TMTC2: variants seen among roughly 807,000 people sequenced by gnomAD.
TMTC2 encodes transmembrane O-mannosyltransferase targeting cadherins 2, also known as protein O-mannosyl-transferase TMTC2.
In TMTC2, 43 loss-of-function variants were observed where a neutral mutation model predicts 82.4. The ratio of observed to expected loss-of-function variants is 0.52; its 90% CI spans 0.41 to 0.67. TMTC2 has a LOEUF of 0.67. TMTC2 is among the 30% of genes least tolerant of loss of function. TMTC2 has a pLI of 0.00. For missense variants in TMTC2, 919 were observed against 1,012.4 expected (o/e 0.91, Z 1.25); for synonymous variants, 408 against 381.9 (o/e 1.07, Z -0.80).
intron 8 of TMTC2, among the ~76,000 whole-genome samples, chr12:83,003,083 A>G (rs1879999711): frequency 6.6e-6 from 1 of 152,176 alleles, no homozygotes; most frequent in Non-Finnish European, 1.5e-5. Flanking sequence ...AACTTGCTTT[A>G]TAAATCTGTG....
intron 11 of TMTC2, among the ~76,000 whole-genome samples, chr12:83,078,879 A>G (rs74905741): frequency 0.03 from 4,581 of 152,220 alleles, 95 homozygotes; most frequent in East Asian, 0.13. Flanking sequence ...ATATGGTGAC[A>G]TTAGAGACCT....
chr12:82,866,631 T>G (rs1028130198), intron 2 of TMTC2, among the ~76,000 whole-genome samples: 2 of 152,178 alleles, frequency 1.3e-5, no homozygotes, highest in African/African-American at 4.8e-5. Context: ...TCAAATTGAC[T>G]GAGGGGGATC....
intron 1 of TMTC2, among the ~76,000 whole-genome samples, chr12:82,820,757 C>G (rs1869053489): frequency 6.6e-6 from 1 of 152,190 alleles, no homozygotes; most frequent in Admixed American, 6.5e-5. Context: ...TCCTTAATTA[C>G]CTTGCAAATA....
At chr12:82,920,684 C>T (rs1357332097) in intron 3 of TMTC2, among the ~76,000 whole-genome samples, 2 of 151,984 alleles carry the variant, frequency 1.3e-5, no homozygotes, top group African/African-American at 2.4e-5. Flanking sequence ...TAAAATAACT[C>T]CACAGATCAT....
At chr12:82,952,000 A>G (rs544381830) in intron 4 of TMTC2, among the ~76,000 whole-genome samples, 1 of 152,292 alleles carries the variant, frequency 6.6e-6, no homozygotes, top group South Asian at 2.1e-4. Flanking sequence ...CTGCTATCCT[A>G]AGATAACCTA....
At chr12:83,088,255 T>G in intron 11 of TMTC2, among the ~76,000 whole-genome samples, 1 of 152,238 alleles carries the variant, frequency 6.6e-6, no homozygotes, top group African/African-American at 2.4e-5. Context: ...TTGATTAAGC[T>G]TTGGCTTAAG....
chr12:83,117,556 G>A (rs997128239), intron 11 of TMTC2, among the ~76,000 whole-genome samples: 2 of 152,050 alleles, frequency 1.3e-5, no homozygotes, highest in Non-Finnish European at 2.9e-5. Context: ...TGGTGACTAT[G>A]GCCTTATAGT....
intron 1 of TMTC2, among the ~76,000 whole-genome samples, chr12:82,735,502 C>T (rs1291616986): frequency 1.6e-4 from 24 of 151,866 alleles, no homozygotes; most frequent in Admixed American, 3.3e-4. Flanking sequence ...CCCGCCACCA[C>T]GCCCGGCTAA....
chr12:82,793,107 G>A (rs1263901739), intron 1 of TMTC2, among the ~76,000 whole-genome samples: 1 of 152,110 alleles, frequency 6.6e-6, no homozygotes, highest in Non-Finnish European at 1.5e-5. Context: ...ATTACACGAT[G>A]ATAGTATGGC....
chr12:83,065,903 A>G (rs1296927505), intron 11 of TMTC2, among the ~76,000 whole-genome samples: 1 of 151,978 alleles, frequency 6.6e-6, no homozygotes, highest in Non-Finnish European at 1.5e-5. Context: ...CTTTTAGTAA[A>G]CTCTAGAATT....
At chr12:82,866,492 G>A (rs762513600) in intron 2 of TMTC2, among the ~76,000 whole-genome samples, 47 of 152,210 alleles carry the variant, frequency 3.1e-4, no homozygotes, top group Non-Finnish European at 4.3e-4. Context: ...AAAATGACAC[G>A]CAAATTGGAT....
At chr12:83,084,137 A>G (rs1237522789) in intron 11 of TMTC2, among the ~76,000 whole-genome samples, 2 of 152,202 alleles carry the variant, frequency 1.3e-5, no homozygotes, top group African/African-American at 4.8e-5. Flanking sequence ...AATCACTCAG[A>G]TAGTTTGAGC....
intron 1 of TMTC2, among the ~76,000 whole-genome samples, chr12:82,794,718 T>A (rs2137027380): frequency 6.6e-6 from 1 of 152,214 alleles, no homozygotes; most frequent in Admixed American, 6.5e-5. Context: ...GGGAATAGAG[T>A]GTGAACCCGG....
At chr12:82,915,047 A>T (rs890592594) in intron 3 of TMTC2, among the ~76,000 whole-genome samples, 1 of 151,616 alleles carries the variant, frequency 6.6e-6, no homozygotes, top group Admixed American at 6.6e-5. Context: ...CTGGTCTCGA[A>T]CTCCTGACCT....
intron 1 of TMTC2, among the ~76,000 whole-genome samples, chr12:82,766,232 T>G (rs1384686858): frequency 6.6e-6 from 1 of 152,226 alleles, no homozygotes; most frequent in East Asian, 1.9e-4. Context: ...TCCTTCTCGC[T>G]TTGGGCTATG....
intron 9 of TMTC2, among the ~76,000 whole-genome samples, chr12:83,046,949 A>T (rs1882165791): frequency 6.6e-6 from 1 of 152,226 alleles, no homozygotes; most frequent in Admixed American, 6.5e-5. Flanking sequence ...GTGAACCTAA[A>T]TCATAAGCAA....
intron 9 of TMTC2, among the ~76,000 whole-genome samples, chr12:83,038,307 CAA>C (rs757336334): frequency 6.7e-4 from 101 of 150,024 alleles, no homozygotes; most frequent in Admixed American, 1.1e-3. Flanking sequence ...TATATATACT[CAA>C]AAAAAAAGTT....
intron 11 of TMTC2, among the ~76,000 whole-genome samples, chr12:83,110,120 C>T (rs1300225799): frequency 6.6e-6 from 1 of 152,196 alleles, no homozygotes; most frequent in Non-Finnish European, 1.5e-5. Context: ...AGAACTTCCA[C>T]TTGCTTCCAT....
At chr12:82,697,704 T>C (rs1872878177) in intron 1 of TMTC2, among the ~76,000 whole-genome samples, 1 of 152,178 alleles carries the variant, frequency 6.6e-6, no homozygotes, top group South Asian at 2.1e-4. Flanking sequence ...TAAAACAATG[T>C]CATCTTCTTT....
Sources: gnomAD v4.1 joint callset for allele counts (sites outside exome capture counted in the v4.1 genomes callset) on GRCh38, gnomAD v4.1.1 for gene constraint, MANE v1.5 for transcripts, NCBI Gene and HGNC (gene_info 2026-07-23, HGNC 2026-07-21) for gene names.